CEACAM21: variants seen among roughly 807,000 people sequenced by gnomAD.
CEACAM21 encodes the protein CEA cell adhesion molecule 21.
A neutral mutation model predicts 33.2 loss-of-function variants in CEACAM21; 38 were observed. That is an observed-to-expected ratio of 1.14 (90% CI 0.88 to 1.50). The LOEUF (loss-of-function observed/expected upper bound fraction) is 1.50, where lower values mean the gene tolerates loss of function less well. Among genes scored for constraint, CEACAM21 ranks in the 40% most tolerant of loss-of-function variants. The pLI, the probability that CEACAM21 is intolerant of heterozygous loss-of-function variation, is 0.00. For synonymous variants in CEACAM21, 156 were observed against 143.0 expected, an observed-to-expected ratio of 1.09 and a Z score of -0.65; for missense variants, 385 against 364.6, an observed-to-expected ratio of 1.06 and a Z score of -0.46.
chr19:41,562,565 CA>C (rs1400134355), intron 1 of CEACAM21, among the ~76,000 whole-genome samples: 1 of 151,910 alleles, frequency 6.6e-6, no homozygotes, highest in East Asian at 1.9e-4. Context: ...AAGTGGTCAC[CA>C]AAAACATGAG....
At position 41,576,194 on chromosome 19, in the gene CEACAM21, C is replaced by G. The variant is rs1025140630; in HGVS notation, c.-81C>G. On this transcript the variant is annotated 5_prime_UTR_variant, in exon 1 of 7. Transcript: ENST00000401445. ...GAGGAAGGAAGGACAGCAGAGACAA[C>G]AGTCACAGTAACCCTGTCTAGAGCG... 189 of 1,514,896 alleles carry G rather than the reference C, an allele frequency of 1.2e-4. No individual in the cohort carries two copies. The highest frequency in any genetic ancestry group is 1.7e-4 in the Non-Finnish European group (182 of 1,094,248). The allele number at this position is 1,514,896 out of a possible 1,614,324, so 93.8% of individuals were successfully genotyped here. A position where few individuals can be genotyped will look rare whatever the true frequency, so the allele number is the denominator to read the frequency against.
rs149253070 is a variant in CEACAM21 at position 41,585,729 on chromosome 19, A to G, written c.851-111A>G. The G allele has an allele frequency of 1.1e-3, 1,372 of 1,230,694 alleles. 3 individuals carry two copies. Among genetic ancestry groups the G allele is most frequent in the Middle Eastern group, 9.4e-4 (5 of 5,320 alleles). The allele number at this position is 1,230,694 out of a possible 1,614,324, so 76.2% of individuals were successfully genotyped here. A position where few individuals can be genotyped will look rare whatever the true frequency, so the allele number is the denominator to read the frequency against. ...CTTACTTGACCCCTAAAATAACCTG[A>G]GAAAGGCTCCCTCTCCCCAATTCTC... On this transcript the variant is annotated intron_variant, in intron 5 of 6. Transcript: ENST00000401445.
intron 2 of CEACAM21, among the ~76,000 whole-genome samples, chr19:41,570,876 A>G (rs2042562334): frequency 6.6e-6 from 1 of 152,136 alleles, no homozygotes; most frequent in Non-Finnish European, 1.5e-5. Flanking sequence ...CCTTGGACTA[A>G]GGGGTGAGTT....
chr19:41,585,863 A>G lies in CEACAM21; in HGVS notation c.874A>G (p.Ile292Val). Reference protein sequence around the residue: ...TPGHGPSDSSIS With the variant: ...TPGHGPSDSSVS ...AGGCCATGGACCCTCTGACAGCTCC[A>G]TCTCCTAGGTAAGACTGTCCGTTCC... Residue 292 changes from isoleucine (I) to valine (V), a missense_variant, in exon 6 of 7, where the codon ATC becomes GTC. Coordinates refer to ENST00000401445, the MANE Select transcript of CEACAM21 (RefSeq NM_001098506.4). 1.2e-6 allele frequency: 2 copies of G among 1,612,992 alleles called. No individual in the cohort carries two copies. Among genetic ancestry groups the G allele is most frequent in the African/African-American group, 1.3e-5 (1 of 74,954 alleles).
chr19:41,555,006 A>G (rs1237739793), intron 1 of CEACAM21: 1 of 152,058 alleles, frequency 6.6e-6, no homozygotes, highest in Non-Finnish European at 1.5e-5. Context: ...CTTCTTTACT[A>G]GGACAGCTGA....
intron 1 of CEACAM21, among the ~76,000 whole-genome samples, chr19:41,563,714 A>C (rs191449370): frequency 1.8e-3 from 279 of 152,372 alleles, no homozygotes; most frequent in African/African-American, 6.4e-3. Flanking sequence ...GGAACGGATT[A>C]GCTTCAGGGT....
chr19:41,574,383 G>A (rs2042797043), upstream of CEACAM21, among the ~76,000 whole-genome samples: 1 of 152,154 alleles, frequency 6.6e-6, no homozygotes, highest in Non-Finnish European at 1.5e-5. Flanking sequence ...GTGCTTCAAA[G>A]AACACCATGA....
intron 1 of CEACAM21, among the ~76,000 whole-genome samples, chr19:41,554,078 G>A (rs2041391547): frequency 6.6e-6 from 1 of 151,956 alleles, no homozygotes; most frequent in African/African-American, 2.4e-5. Context: ...GCAAAACAAA[G>A]GATCAGCAAC....
intron 4 of CEACAM21, 36 bp from the exon 5 acceptor site, chr19:41,585,407 C>G (rs371866224): frequency 5.6e-6 from 9 of 1,611,628 alleles, no homozygotes; most frequent in Non-Finnish European, 7.6e-6. Context: ...TGACTTTTAA[C>G]CTTGCACCTT....
chr19:41,565,639 C>T (rs1229160513), intron 2 of CEACAM21: 1 of 150,736 alleles, frequency 6.6e-6, no homozygotes, highest in Non-Finnish European at 1.5e-5. Context: ...ATCTTCCCAA[C>T]CATCTTTTGT....
intron 1 of CEACAM21, among the ~76,000 whole-genome samples, chr19:41,563,110 AACAGTAAGAGT>A (rs2042003572): frequency 2.6e-5 from 4 of 152,208 alleles, no homozygotes; most frequent in African/African-American, 9.7e-5. Flanking sequence ...TGAAAATAAT[AACAGTAAGAGT>A]ATTCTAATAT....
At chr19:41,583,380 C>T (rs890419563) in intron 3 of CEACAM21, among the ~76,000 whole-genome samples, 15 of 152,296 alleles carry the variant, frequency 9.8e-5, no homozygotes, top group Middle Eastern at 6.8e-3. Flanking sequence ...CTTCTGAGCC[C>T]TCCAAACTGT....
At chr19:41,580,278 C>T (rs1385371557) in intron 3 of CEACAM21, among the ~76,000 whole-genome samples, 2 of 152,008 alleles carry the variant, frequency 1.3e-5, no homozygotes. Flanking sequence ...TAACAATCAT[C>T]AACACAGACA....
intron 1 of CEACAM21, among the ~76,000 whole-genome samples, chr19:41,558,082 G>A (rs565378272): frequency 6.6e-6 from 1 of 152,260 alleles, no homozygotes; most frequent in South Asian, 2.1e-4. Flanking sequence ...TACAGAAAAT[G>A]TGCCATTTTA....
chr19:41,561,387 G>A (rs566904978), intron 1 of CEACAM21, among the ~76,000 whole-genome samples: 1 of 149,636 alleles, frequency 6.7e-6, no homozygotes, highest in East Asian at 2.0e-4. Context: ...CATGAAACCT[G>A]GTTGAAAGAC....
intron 1 of CEACAM21, chr19:41,552,404 T>C (rs891157397): frequency 1.3e-5 from 2 of 152,192 alleles, no homozygotes; most frequent in Non-Finnish European, 2.9e-5. Context: ...CCTTCTTTGT[T>C]TTGTCATGCT....
At chr19:41,560,801 A>G (rs1344152763) in intron 1 of CEACAM21, among the ~76,000 whole-genome samples, 1 of 152,206 alleles carries the variant, frequency 6.6e-6, no homozygotes, top group Non-Finnish European at 1.5e-5. Flanking sequence ...CTAAAAACTC[A>G]GTAAACCAGA....
intron 3 of CEACAM21, among the ~76,000 whole-genome samples, chr19:41,583,485 T>C (rs2070467731): frequency 6.6e-6 from 1 of 152,198 alleles, no homozygotes; most frequent in South Asian, 2.1e-4. Flanking sequence ...ATTTACTGTA[T>C]TAGTCCATTC....
At chr19:41,569,508 CG>C (rs1266488297) in intron 2 of CEACAM21, among the ~76,000 whole-genome samples, 1 of 151,808 alleles carries the variant, frequency 6.6e-6, no homozygotes, top group African/African-American at 2.4e-5. Context: ...GATGGGATTG[CG>C]GGGGGCGGGT....
Sources: allele counts gnomAD v4.1 joint callset (sites outside exome capture counted in the v4.1 genomes callset), GRCh38; gene constraint gnomAD v4.1.1; transcripts MANE v1.5; gene names NCBI Gene and HGNC (gene_info 2026-07-23, HGNC 2026-07-21).